Variants in TMCO4 observed in about 807,000 individuals in gnomAD.
The protein encoded by TMCO4 is transmembrane and coiled-coil domains 4.
In TMCO4, 58 loss-of-function variants were observed where a neutral mutation model predicts 64.7. The observed-to-expected ratio is 0.90, with a 90% CI of 0.73 to 1.12. The LOEUF is 1.12. Ranked by LOEUF, TMCO4 falls within the 50% of genes most tolerant of loss-of-function variation. TMCO4 has a pLI of 0.00. For missense variants in TMCO4, 780 were observed against 825.9 expected (o/e 0.94, Z 0.68); for synonymous variants, 325 against 346.1 (o/e 0.94, Z 0.68).
chr1:19,711,220 T>G (rs2095329430), intron 13 of TMCO4, among the ~76,000 whole-genome samples: 1 of 152,194 alleles, frequency 6.6e-6, no homozygotes, highest in Non-Finnish European at 1.5e-5. Context: ...TCTTACAAAT[T>G]GAAGGTTTGT....
At position 19,693,183 on chromosome 1, in the gene TMCO4, A is replaced by C. The variant is rs1156759333; in HGVS notation, c.1500+1251T>G. ...CCATCTCAAAAAAAAAAAAAAAAAA[A>C]AAAAAAAAAAAAAAAAAGGCCAGGC... is the stretch of plus-strand genomic sequence containing the variant. On this transcript the variant is annotated intron_variant, in intron 15 of 15. Coordinates refer to ENST00000294543, the MANE Select transcript of TMCO4 (RefSeq NM_181719.7). 3.1e-3 allele frequency among the ~76,000 whole-genome samples: 409 copies of C among 133,480 alleles called. 9 individuals are homozygous for C. The highest frequency in any genetic ancestry group is 0.01 in the African/African-American group (368 of 35,626). 87.6% of individuals were successfully genotyped at this position (133,480 alleles called of 152,430 possible). A position where few individuals can be genotyped will look rare whatever the true frequency, so the allele number is the denominator to read the frequency against.
chr1:19,719,553 G>A (rs901506814), intron 13 of TMCO4, among the ~76,000 whole-genome samples: 1 of 152,098 alleles, frequency 6.6e-6, no homozygotes, highest in African/African-American at 2.4e-5. Context: ...TTTAGAGACA[G>A]GGTCTCCCTC....
chr1:19,742,803 A>G (rs528288447), intron 10 of TMCO4, among the ~76,000 whole-genome samples: 1 of 152,254 alleles, frequency 6.6e-6, no homozygotes, highest in East Asian at 1.9e-4. Context: ...AAGGTGTTGT[A>G]TACTTTGGGA....
chr1:19,710,265 C>T (rs971538264), intron 13 of TMCO4, among the ~76,000 whole-genome samples: 2 of 124,544 alleles, frequency 1.6e-5, no homozygotes, highest in Admixed American at 1.7e-4. Flanking sequence ...TGTTACCATG[C>T]CCCCATTTTT....
chr1:19,683,406 G>A lies in TMCO4; in HGVS notation c.1539C>T (p.Ala513=). 2 of 1,613,488 alleles carry A rather than the reference G, an allele frequency of 1.2e-6. No homozygotes were observed. Among genetic ancestry groups the A allele is most frequent in the Non-Finnish European group, 1.7e-6 (2 of 1,180,036 alleles). ...TGCGGATGCCCACGGCCTTCAGGATGGCATCCATCTGCTTGGCATAGTCCA... is the reference window on the plus strand; with the variant it reads ...TGCGGATGCCCACGGCCTTCAGGATAGCATCCATCTGCTTGGCATAGTCCA... ...GHLDYAKQMD[A]ILKAVGIRTK... is the part of the protein sequence containing the mutation. Residue 513 remains alanine, a synonymous_variant, in exon 16 of 16, where the codon GCC becomes GCT. Transcript: ENST00000294543.
At chr1:19,733,977 T>C (rs1313188041) in intron 13 of TMCO4, among the ~76,000 whole-genome samples, 1 of 152,242 alleles carries the variant, frequency 6.6e-6, no homozygotes, top group Non-Finnish European at 1.5e-5. Context: ...CATGAAATAA[T>C]ACATATGATG....
intron 2 of TMCO4, among the ~76,000 whole-genome samples, chr1:19,788,934 G>A (rs2043882468): frequency 6.6e-6 from 1 of 152,054 alleles, no homozygotes; most frequent in African/African-American, 2.4e-5. Flanking sequence ...AATTAGCCAG[G>A]TGTGCTGGCA....
chr1:19,785,828 A>G (rs1310053709), intron 3 of TMCO4, among the ~76,000 whole-genome samples: 2 of 152,172 alleles, frequency 1.3e-5, no homozygotes, highest in African/African-American at 2.4e-5. Context: ...AGGGGATATG[A>G]AGTGATGGGG....
rs531431284 is a variant in TMCO4 at position 19,683,758 on chromosome 1, CTTTTTTTTTTTTTTT to C, written c.1501-329_1501-315del. Reference sequence around the variant, plus strand: ...AGAAGCTCTCGTTCTTTGTCTGAAGCTTTTTTTTTTTTTTTTTTTTTTTTTTTTTTGAGACAGGCT... The same window carrying C: ...AGAAGCTCTCGTTCTTTGTCTGAAGCTTTTTTTTTTTTTTTGAGACAGGCT... On this transcript the variant is annotated intron_variant, in intron 15 of 15. Transcript: ENST00000294543. 1.5e-4 allele frequency among the ~76,000 whole-genome samples: 12 copies of C among 79,066 alleles called. No individual in the cohort carries two copies. The East Asian group carries it at 3.2e-3, about 21-fold the overall frequency. The allele number at this position is 79,066 out of a possible 152,430, so 51.9% of individuals were successfully genotyped here.
At chr1:19,733,417 A>G (rs900402515) in intron 13 of TMCO4, among the ~76,000 whole-genome samples, 1 of 152,160 alleles carries the variant, frequency 6.6e-6, no homozygotes, top group Non-Finnish European at 1.5e-5. Context: ...CCCCTGACAC[A>G]CAGAATCGAT....
chr1:19,748,117 T>C (rs1224930691), intron 7 of TMCO4, among the ~76,000 whole-genome samples: 1 of 152,328 alleles, frequency 6.6e-6, no homozygotes, highest in African/African-American at 2.4e-5. Flanking sequence ...ATTGTACCCA[T>C]ATTATAGATG....
Position 19,733,142 on chromosome 1 carries a change from G to A in TMCO4, c.1264+4230C>T, listed in dbSNP as rs114299966. ...ATTTGCTGGGCAATGTTGCGGGCAC[G>A]TGTAATCCCAGCTACTTGGGAGGCT... On this transcript the variant is annotated intron_variant, in intron 13 of 15. Coordinates refer to ENST00000294543, the MANE Select transcript of TMCO4 (RefSeq NM_181719.7). 9.8e-3 allele frequency among the ~76,000 whole-genome samples: 1,486 copies of A among 151,930 alleles called. 25 individuals carry two copies. The highest frequency in any genetic ancestry group is 0.033 in the African/African-American group (1,372 of 41,444).
intron 12 of TMCO4, among the ~76,000 whole-genome samples, chr1:19,738,069 A>G (rs1370043574): frequency 6.6e-6 from 1 of 152,356 alleles, no homozygotes; most frequent in Non-Finnish European, 1.5e-5. Context: ...AGAAAATGAA[A>G]GTTATCTGGG....
At chr1:19,770,259 G>A (rs2042924034) in intron 6 of TMCO4, among the ~76,000 whole-genome samples, 1 of 152,216 alleles carries the variant, frequency 6.6e-6, no homozygotes, top group Non-Finnish European at 1.5e-5. Context: ...CTTAGACCAG[G>A]GGCCTGGGTG....
At chr1:19,776,766 G>A (rs1268455114) in intron 4 of TMCO4, among the ~76,000 whole-genome samples, 3 of 152,022 alleles carry the variant, frequency 2.0e-5, no homozygotes, top group East Asian at 1.9e-4. Context: ...GGTGGCTCAC[G>A]CCTGTAATCC....
intron 4 of TMCO4, among the ~76,000 whole-genome samples, chr1:19,773,889 C>T (rs986353627): frequency 6.6e-5 from 10 of 152,132 alleles, no homozygotes; most frequent in South Asian, 2.1e-4. Context: ...AAGAGTTGGA[C>T]TCTGAAGTCC....
chr1:19,773,126 T>A (rs1293981403), intron 4 of TMCO4, among the ~76,000 whole-genome samples: 1 of 152,064 alleles, frequency 6.6e-6, no homozygotes, highest in Non-Finnish European at 1.5e-5. Flanking sequence ...GGGGCGGCGG[T>A]TGCAGTGAAC....
chr1:19,708,299 T>G (rs1445749381), intron 13 of TMCO4, among the ~76,000 whole-genome samples: 1 of 152,016 alleles, frequency 6.6e-6, no homozygotes, highest in African/African-American at 2.4e-5. Context: ...GCTCTTGTCA[T>G]GTTTTCAGCA....
chr1:19,755,620 CG>C lies in TMCO4; in HGVS notation c.515+13del. On this transcript the variant is annotated intron_variant, in intron 7 of 15. Transcript: ENST00000294543. ...AATCCTTGGATCCTGATGGGGGTCG[CG>C]GGGCTCTCTTACTCAGATTCCTCTT... The C allele has an allele frequency of 6.2e-7, 1 of 1,613,456 alleles. No homozygotes were observed. The highest frequency in any genetic ancestry group is 1.1e-5 in the South Asian group (1 of 91,046).
Sources: allele counts gnomAD v4.1 joint callset (sites outside exome capture counted in the v4.1 genomes callset), GRCh38; gene constraint gnomAD v4.1.1; transcripts MANE v1.5; gene names NCBI Gene and HGNC (gene_info 2026-07-23, HGNC 2026-07-21).